The following PRKN variants were observed in gnomAD, a reference collection of about 807,000 sequenced individuals.
PRKN encodes E3 ubiquitin-protein ligase parkin.
PRKN carries 56 observed loss-of-function variants against 59.5 expected under a neutral mutation model. The observed-to-expected ratio is 0.94, with a 90% CI of 0.76 to 1.18. The LOEUF is 1.18. Ranked by LOEUF, PRKN falls within the 50% of genes most tolerant of loss-of-function variation. The probability of loss-of-function intolerance (pLI) is 0.00; values close to 1 mark genes in which losing one functional copy is unlikely to be tolerated. For synonymous variants in PRKN, 250 were observed against 222.1 expected (o/e 1.13, Z -1.12); for missense variants, 657 against 596.4 (o/e 1.10, Z -1.06).
chr6:161,912,163 G>A (rs1454660754), intron 6 of PRKN, among the ~76,000 whole-genome samples: 1 of 147,730 alleles, frequency 6.8e-6, no homozygotes, highest in African/African-American at 2.6e-5. Flanking sequence ...GGACGACAGA[G>A]GAGAATCTGT....
At chr6:162,105,087 G>A (rs754775660) in intron 4 of PRKN, among the ~76,000 whole-genome samples, 1 of 152,128 alleles carries the variant, frequency 6.6e-6, no homozygotes, top group Non-Finnish European at 1.5e-5. Flanking sequence ...ACGCATTAGA[G>A]TAAAACAGCC....
intron 7 of PRKN, among the ~76,000 whole-genome samples, chr6:161,751,234 G>A (rs899075756): frequency 6.6e-6 from 1 of 152,108 alleles, no homozygotes; most frequent in African/African-American, 2.4e-5. Context: ...CATCTACAAG[G>A]ACAAGATGAA....
At chr6:162,206,488 CT>C (rs1246701704) in intron 3 of PRKN, among the ~76,000 whole-genome samples, 3 of 152,180 alleles carry the variant, frequency 2.0e-5, no homozygotes, top group Non-Finnish European at 2.9e-5. Flanking sequence ...GTTTCAGCTC[CT>C]TCCCTCTTTC....
chr6:162,628,667 A>G (rs563371950), intron 1 of PRKN, among the ~76,000 whole-genome samples: 1 of 152,302 alleles, frequency 6.6e-6, no homozygotes, highest in South Asian at 2.1e-4. Context: ...GACAAGAAAA[A>G]AAATATTCAG....
In PRKN at chr6:161,896,024, G is replaced by A. The variant is rs535542637; in HGVS notation, c.734+77278C>T. On this transcript the variant is annotated intron_variant, in intron 6 of 11. Transcript: ENST00000366898. ...AGACCACCTTGTTATCAGTAAGAAG[G>A]GAAAATCCCCTCAGCAGTGTTGGAG... Among the ~76,000 whole-genome samples, 277 of 152,266 alleles carry A rather than the reference G, an allele frequency of 1.8e-3. 1 individual carries two copies. The highest frequency in any genetic ancestry group is 6.5e-3 in the African/African-American group (272 of 41,550).
chr6:161,751,036 T>C (rs974960769), intron 7 of PRKN, among the ~76,000 whole-genome samples: 1 of 152,204 alleles, frequency 6.6e-6, no homozygotes, highest in Non-Finnish European at 1.5e-5. Context: ...AAATATCATA[T>C]ACATTTTCTT....
At chr6:162,672,589 G>GT (rs1257156188) in intron 1 of PRKN, among the ~76,000 whole-genome samples, 5 of 151,932 alleles carry the variant, frequency 3.3e-5, no homozygotes, top group African/African-American at 7.2e-5. Flanking sequence ...ACTCATTTAT[G>GT]TTTTTTCAAA....
At chr6:161,368,896 A>G (rs1211070606) in intron 10 of PRKN, among the ~76,000 whole-genome samples, 2 of 152,200 alleles carry the variant, frequency 1.3e-5, no homozygotes, top group Admixed American at 6.5e-5. Flanking sequence ...AGGGTCACCA[A>G]GAAGGCCCTT....
chr6:161,549,394 C>T lies in PRKN; in HGVS notation c.934-391G>A, dbSNP rs933765438. Among the ~76,000 whole-genome samples the T allele has an allele frequency of 6.6e-6, 1 of 152,050 alleles. No homozygotes were observed. The highest frequency in any genetic ancestry group is 1.5e-5 in the Non-Finnish European group (1 of 68,022). On this transcript the variant is annotated intron_variant, in intron 8 of 11. Transcript: ENST00000366898. The surrounding 1 kb of genome is among the most constrained non-coding windows in gnomAD (Gnocchi z 6.0). Reference sequence around the variant, plus strand: ...AATGATGAACACTTTTAATACATCGCTATCAATCTTATAAAGCAATATATT... The same window carrying T: ...AATGATGAACACTTTTAATACATCGTTATCAATCTTATAAAGCAATATATT...
intron 2 of PRKN, among the ~76,000 whole-genome samples, chr6:162,288,851 T>A (rs982992579): frequency 6.6e-6 from 1 of 152,182 alleles, no homozygotes; most frequent in African/African-American, 2.4e-5. Context: ...CTGAAGCCCC[T>A]TGAGGACAAA....
rs1351699883 is a variant in PRKN at position 161,468,449 on chromosome 6, TA to T, written c.1083+80404del. Among the ~76,000 whole-genome samples, 1 of 152,254 alleles carries T rather than the reference TA, an allele frequency of 6.6e-6. No homozygotes were observed. Among genetic ancestry groups the T allele is most frequent in the Admixed American group, 6.5e-5 (1 of 15,286 alleles). On this transcript the variant is annotated intron_variant, in intron 9 of 11. Transcript: ENST00000366898. The surrounding 1 kb of genome is among the most constrained non-coding windows in gnomAD (Gnocchi z 5.9). ...ATGTCAAATCCTACAGAGTATCCTTTAAATGGCAAGGGGGTACTTCAGCCTG... is the reference window on the plus strand; with the variant it reads ...ATGTCAAATCCTACAGAGTATCCTTTAATGGCAAGGGGGTACTTCAGCCTG...
chr6:161,879,648 T>C (rs1176296989), intron 6 of PRKN, among the ~76,000 whole-genome samples: 1 of 152,100 alleles, frequency 6.6e-6, no homozygotes, highest in African/African-American at 2.4e-5. Context: ...GCCCAGCCCA[T>C]TATGATATTT....
chr6:162,711,294 C>G (rs1317103500), intron 1 of PRKN, among the ~76,000 whole-genome samples: 1 of 152,128 alleles, frequency 6.6e-6, no homozygotes, highest in Admixed American at 6.5e-5. Context: ...CTCTGTAGGA[C>G]TACACATTTT....
chr6:162,137,790 T>C (rs1781609829), intron 4 of PRKN, among the ~76,000 whole-genome samples: 1 of 152,246 alleles, frequency 6.6e-6, no homozygotes, highest in African/African-American at 2.4e-5. Context: ...AGAGCCCCGA[T>C]GGCTTATCGC....
intron 7 of PRKN, among the ~76,000 whole-genome samples, chr6:161,657,252 G>A (rs1784382171): frequency 6.6e-6 from 1 of 152,130 alleles, no homozygotes; most frequent in Admixed American, 6.5e-5. Context: ...CACGGCTCTG[G>A]ATCGCCCATG....
intron 5 of PRKN, among the ~76,000 whole-genome samples, chr6:162,023,690 C>A (rs1366872759): frequency 1.3e-5 from 2 of 151,976 alleles, no homozygotes; most frequent in Admixed American, 1.3e-4. Context: ...GGGGGTGTGG[C>A]GGACCAGGGT....
In PRKN at chr6:161,483,428, C is replaced by T. The variant is rs146038227; in HGVS notation, c.1083+65426G>A. Among the ~76,000 whole-genome samples the T allele has an allele frequency of 6.9e-3, 1,052 of 152,230 alleles. 9 individuals are homozygous for T. Among genetic ancestry groups the T allele is most frequent in the African/African-American group, 0.024 (993 of 41,524 alleles). ...TTGTCATGCGTAAGTGCTAATTAGC[C>T]CCAGGATGCTTGCCTTCATGAACTT... On this transcript the variant is annotated intron_variant, in intron 9 of 11. Coordinates refer to ENST00000366898, the MANE Select transcript of PRKN (RefSeq NM_004562.3). This position sits in a 1 kb window ranked among gnomAD's most constrained non-coding sequence, Gnocchi z 5.0.
chr6:162,345,154 C>T (rs1276311768), intron 2 of PRKN, among the ~76,000 whole-genome samples: 1 of 152,200 alleles, frequency 6.6e-6, no homozygotes, highest in Non-Finnish European at 1.5e-5. Flanking sequence ...ACTCCGAATA[C>T]AACACAATTG....
intron 5 of PRKN, among the ~76,000 whole-genome samples, chr6:162,021,461 A>ATATATATATATATATATATATAT (rs59250759): frequency 8.1e-5 from 2 of 24,650 alleles, no homozygotes; most frequent in African/African-American, 1.8e-4. Flanking sequence ...ATATATATAT[A>ATATATATATATATATATATATAT]TTTTTTTTTT....
Sources: allele counts gnomAD v4.1 joint callset (sites outside exome capture counted in the v4.1 genomes callset), GRCh38; gene constraint gnomAD v4.1.1; non-coding constraint Gnocchi (gnomAD v3.1); transcripts MANE v1.5; gene names NCBI Gene and HGNC (gene_info 2026-07-23, HGNC 2026-07-21).